Variants in MYO3A observed in about 807,000 individuals in gnomAD.
MYO3A encodes myosin-IIIa.
MYO3A carries 180 observed loss-of-function variants against 192.7 expected under a neutral mutation model. The ratio of observed to expected loss-of-function variants is 0.93; its 90% CI spans 0.83 to 1.06. The LOEUF (loss-of-function observed/expected upper bound fraction) is 1.06, where lower values mean the gene tolerates loss of function less well. MYO3A is among the 50% of genes least tolerant of loss of function. MYO3A has a pLI of 0.00. For synonymous variants in MYO3A, 628 were observed against 645.3 expected, an observed-to-expected ratio of 0.97 and a Z score of 0.41; for missense variants, 1,896 against 1,905.0, an observed-to-expected ratio of 1.00 and a Z score of 0.09.
intron 31 of MYO3A, among the ~76,000 whole-genome samples, chr10:26,189,537 AG>A (rs1407394959): frequency 6.6e-6 from 1 of 152,242 alleles, no homozygotes. Flanking sequence ...CTTTTCTATG[AG>A]AAGGTGAGAA....
intron 4 of MYO3A, among the ~76,000 whole-genome samples, chr10:25,977,550 T>A (rs1839034611): frequency 6.6e-6 from 1 of 152,204 alleles, no homozygotes; most frequent in African/African-American, 2.4e-5. Flanking sequence ...TATTTGATTT[T>A]AAAAATTTTG....
intron 15 of MYO3A, among the ~76,000 whole-genome samples, chr10:26,089,810 G>A (rs966039983): frequency 6.6e-6 from 1 of 152,006 alleles, no homozygotes; most frequent in African/African-American, 2.4e-5. Flanking sequence ...AATAGCATTA[G>A]TACCTACCTA....
chr10:26,116,181 C>T (rs910908321), intron 17 of MYO3A, among the ~76,000 whole-genome samples: 1 of 152,166 alleles, frequency 6.6e-6, no homozygotes, highest in East Asian at 1.9e-4. Flanking sequence ...TTGTTGACAG[C>T]ACAGGAGGCT....
intron 17 of MYO3A, among the ~76,000 whole-genome samples, chr10:26,099,476 C>T (rs1456914160): frequency 2.6e-5 from 4 of 152,128 alleles, no homozygotes; most frequent in Non-Finnish European, 4.4e-5. Flanking sequence ...AGAGGGCATC[C>T]CTGTCTTGTG....
At chr10:26,107,502 A>T (rs187307037) in intron 17 of MYO3A, among the ~76,000 whole-genome samples, 1 of 149,244 alleles carries the variant, frequency 6.7e-6, no homozygotes, top group Admixed American at 6.7e-5. Flanking sequence ...AAAAAAAAAG[A>T]TTAGGGTAAA....
rs565929175 is a variant in MYO3A, at chr10:25,998,967, G to T, written c.508+1709G>T. On this transcript the variant is annotated intron_variant, in intron 6 of 34. Transcript: ENST00000642920. Reference sequence around the variant, plus strand: ...GGCTGGAGTGCAGTGGCACGATCTCGGCTCACTGCAAGCTCTGCCTCCTGG... The same window carrying T: ...GGCTGGAGTGCAGTGGCACGATCTCTGCTCACTGCAAGCTCTGCCTCCTGG... 1.6e-4 allele frequency among the ~76,000 whole-genome samples: 24 copies of T among 152,088 alleles called. 1 individual carries two copies. Among genetic ancestry groups the T allele is most frequent in the African/African-American group, 5.8e-4 (24 of 41,492 alleles).
chr10:26,038,244 CATTGAT>C (rs920281755), intron 10 of MYO3A, among the ~76,000 whole-genome samples: 3 of 152,148 alleles, frequency 2.0e-5, no homozygotes, highest in African/African-American at 7.2e-5. Context: ...TGAAGAATGT[CATTGAT>C]ATTTTGACAG....
At chr10:25,979,059 T>C (rs1839137382) in intron 4 of MYO3A, among the ~76,000 whole-genome samples, 1 of 152,184 alleles carries the variant, frequency 6.6e-6, no homozygotes, top group Non-Finnish European at 1.5e-5. Flanking sequence ...CTTAGAGAAT[T>C]GGTATTCATG....
rs575659673 is a variant in MYO3A at position 26,048,171 on chromosome 10, T to G, written c.954-18804T>G. ...AGTAGAATTCAAACTGACATGCCCCTCATTCCTTACTGCCAGGAACACAGG... is the reference window on the plus strand; with the variant it reads ...AGTAGAATTCAAACTGACATGCCCCGCATTCCTTACTGCCAGGAACACAGG... On this transcript the variant is annotated intron_variant, in intron 10 of 34. Coordinates refer to ENST00000642920, the MANE Select transcript of MYO3A (RefSeq NM_017433.5). Among the ~76,000 whole-genome samples, 10 of 152,288 alleles carry G rather than the reference T, an allele frequency of 6.6e-5. No individual in the cohort carries two copies. In the South Asian group the frequency reaches 1.9e-3, roughly 28 times the overall value.
Position 26,212,117 on chromosome 10 carries a change from C to CG in MYO3A, c.*157dup. ...CTGCTGCGCTCGGCCCTCAAGTGCC[C>CG]GGGCCGGCCTTCGTGCTCCGAAACA... On this transcript the variant is annotated 3_prime_UTR_variant, in exon 35 of 35. Transcript: ENST00000642920. The CG allele has an allele frequency of 8.6e-7, 1 of 1,166,550 alleles. No individual in the cohort carries two copies. The highest frequency in any genetic ancestry group is 2.6e-5 in the East Asian group (1 of 37,750). The allele number at this position is 1,166,550 out of a possible 1,614,324, so 72.3% of individuals were successfully genotyped here.
At chr10:25,964,223 G>T (rs541602413) in intron 4 of MYO3A, among the ~76,000 whole-genome samples, 2 of 152,140 alleles carry the variant, frequency 1.3e-5, no homozygotes, top group South Asian at 4.2e-4. Context: ...ACCTAAAAGA[G>T]CCAATTATAT....
chr10:26,084,260 T>A (rs1268177103), intron 14 of MYO3A, among the ~76,000 whole-genome samples: 4 of 152,354 alleles, frequency 2.6e-5, no homozygotes, highest in South Asian at 4.1e-4. Flanking sequence ...TTTGCATATG[T>A]TAAGCTAGAC....
intron 11 of MYO3A, among the ~76,000 whole-genome samples, chr10:26,068,535 T>C (rs1474830087): frequency 6.6e-6 from 1 of 152,186 alleles, no homozygotes; most frequent in African/African-American, 2.4e-5. Context: ...ATATGTCCTT[T>C]GGAAAATGCA....
At chr10:26,036,185 C>T (rs550640824) in intron 10 of MYO3A, among the ~76,000 whole-genome samples, 129 of 152,110 alleles carry the variant, frequency 8.5e-4, no homozygotes, top group African/African-American at 2.6e-3. Context: ...GTGATCTGCC[C>T]GCCTCGACCT....
At chr10:26,199,812 A>G (rs1441179869) in intron 32 of MYO3A, among the ~76,000 whole-genome samples, 1 of 152,220 alleles carries the variant, frequency 6.6e-6, no homozygotes, top group Non-Finnish European at 1.5e-5. Context: ...GCCATCACTT[A>G]AGCCTAACTT....
chr10:26,208,690 A>G (rs1330971571), intron 34 of MYO3A, among the ~76,000 whole-genome samples: 1 of 152,214 alleles, frequency 6.6e-6, no homozygotes, highest in Non-Finnish European at 1.5e-5. Context: ...TTCCCCGTCA[A>G]GTATCCACTG....
chr10:26,113,389 G>C (rs1183317242), intron 17 of MYO3A, among the ~76,000 whole-genome samples: 1 of 151,520 alleles, frequency 6.6e-6, no homozygotes, highest in African/African-American at 2.4e-5. Flanking sequence ...AAAATTGCTT[G>C]AACGCGGGAG....
intron 4 of MYO3A, among the ~76,000 whole-genome samples, chr10:25,988,939 C>CTTTTTTTTTTTTTTTTT (rs56308717): frequency 8.5e-6 from 1 of 117,016 alleles, no homozygotes; most frequent in Non-Finnish European, 1.8e-5. Context: ...CCCTAAAACT[C>CTTTTTTTTTTTTTTTTT]TTTTTTTTTT....
chr10:26,067,857 A>G (rs573343876), intron 11 of MYO3A, among the ~76,000 whole-genome samples: 73 of 149,716 alleles, frequency 4.9e-4, no homozygotes, highest in Non-Finnish European at 1.0e-3. Flanking sequence ...TACACTGCTG[A>G]TACATGCCTG....
Sources: allele counts gnomAD v4.1 joint callset (sites outside exome capture counted in the v4.1 genomes callset), GRCh38; gene constraint gnomAD v4.1.1; transcripts MANE v1.5; gene names NCBI Gene and HGNC (gene_info 2026-07-23, HGNC 2026-07-21).